Variants in GALNT13 observed in about 807,000 individuals in gnomAD.
The protein encoded by GALNT13 is polypeptide N-acetylgalactosaminyltransferase 13.
GALNT13 carries 28 observed loss-of-function variants against 64.2 expected under a neutral mutation model. The observed-to-expected ratio is 0.44, with a 90% CI of 0.32 to 0.60. The LOEUF (loss-of-function observed/expected upper bound fraction) is 0.60. GALNT13 is among the 20% of genes least tolerant of loss of function. The pLI, the probability that GALNT13 is intolerant of heterozygous loss-of-function variation, is 0.05. For missense variants in GALNT13, 577 were observed against 669.8 expected (o/e 0.86, Z 1.53); for synonymous variants, 214 against 224.6 (o/e 0.95, Z 0.42).
At chr2:153,665,554 C>T in the GALNT13 span, among the ~76,000 whole-genome samples, 5 of 151,652 alleles carry the variant, frequency 3.3e-5, no homozygotes, top group African/African-American at 1.2e-4. Context: ...ACTTAAATTA[C>T]AAAATATCAA....
chr2:153,792,250 A>T, the GALNT13 span, among the ~76,000 whole-genome samples: 40 of 152,246 alleles, frequency 2.6e-4, no homozygotes, highest in South Asian at 3.1e-3. Flanking sequence ...AAATATTTTT[A>T]AAAAAGATAG....
At chr2:153,246,834 T>C in the GALNT13 span, among the ~76,000 whole-genome samples, 2 of 152,122 alleles carry the variant, frequency 1.3e-5, no homozygotes, top group Admixed American at 6.5e-5. Context: ...AATACCTCAA[T>C]TAAAAGACAC....
chr2:153,140,202 T>C, the GALNT13 span, among the ~76,000 whole-genome samples: 2 of 152,052 alleles, frequency 1.3e-5, no homozygotes, highest in African/African-American at 2.4e-5. Flanking sequence ...CTAATATTTT[T>C]TGAGCACATA....
At chr2:154,089,765 G>A (rs1199742982) in intron 3 of GALNT13, among the ~76,000 whole-genome samples, 1 of 149,206 alleles carries the variant, frequency 6.7e-6, no homozygotes, top group African/African-American at 2.5e-5. Flanking sequence ...TAAAATAAAT[G>A]TTTCTTCCTT....
the GALNT13 span, among the ~76,000 whole-genome samples, chr2:153,303,563 T>C: frequency 5.9e-5 from 9 of 152,198 alleles, no homozygotes; most frequent in African/African-American, 2.2e-4. Context: ...CTATTTTCTC[T>C]GGCTAGGATT....
In GALNT13 at chr2:154,290,102, A is replaced by T. The variant is rs144907241; in HGVS notation, c.976-11307A>T. Reference sequence around the variant, plus strand: ...CTCAATGCATGCACAAGCTACTCCCAGTGAGAGTCTGCATATCTAGATTTA... The same window carrying T: ...CTCAATGCATGCACAAGCTACTCCCTGTGAGAGTCTGCATATCTAGATTTA... On this transcript the variant is annotated intron_variant, in intron 8 of 12. Coordinates refer to ENST00000392825, the MANE Select transcript of GALNT13 (RefSeq NM_052917.4). Among the ~76,000 whole-genome samples, 1,155 of 152,334 alleles carry T rather than the reference A, an allele frequency of 7.6e-3. 34 individuals are homozygous for T. The highest frequency in any genetic ancestry group is 0.042 in the Admixed American group (644 of 15,300).
At chr2:153,686,981 G>A in the GALNT13 span, among the ~76,000 whole-genome samples, 1 of 152,006 alleles carries the variant, frequency 6.6e-6, no homozygotes, top group Non-Finnish European at 1.5e-5. Flanking sequence ...TTGCATCCAG[G>A]GATAAAGCCT....
chr2:153,132,702 A>G, the GALNT13 span, among the ~76,000 whole-genome samples: 2 of 152,146 alleles, frequency 1.3e-5, no homozygotes, highest in African/African-American at 4.8e-5. Flanking sequence ...TTATATTTTA[A>G]TCAGCATGGA....
chr2:153,711,120 T>G, the GALNT13 span, among the ~76,000 whole-genome samples: 1 of 152,120 alleles, frequency 6.6e-6, no homozygotes, highest in Non-Finnish European at 1.5e-5. Context: ...AATTCAGCTC[T>G]CCAAACCATT....
At chr2:153,696,155 C>T in the GALNT13 span, among the ~76,000 whole-genome samples, 1 of 152,190 alleles carries the variant, frequency 6.6e-6, no homozygotes, top group Non-Finnish European at 1.5e-5. Context: ...GACAGTGCAA[C>T]CTTCAGTCTG....
the GALNT13 span, among the ~76,000 whole-genome samples, chr2:153,173,030 C>T: frequency 6.6e-6 from 1 of 151,928 alleles, no homozygotes; most frequent in Non-Finnish European, 1.5e-5. Flanking sequence ...AACTTGTATA[C>T]TAGGCATACT....
chr2:153,474,013 C>T, the GALNT13 span, among the ~76,000 whole-genome samples: 3 of 152,114 alleles, frequency 2.0e-5, no homozygotes, highest in African/African-American at 7.2e-5. Context: ...CATGCGTAAT[C>T]GATCAGGTTA....
chr2:154,008,504 G>T (rs912780198), intron 3 of GALNT13, among the ~76,000 whole-genome samples: 8 of 152,004 alleles, frequency 5.3e-5, no homozygotes, highest in Admixed American at 5.2e-4. Flanking sequence ...GTTATGGAGG[G>T]TTGGTAATAC....
At chr2:153,218,054 T>A in the GALNT13 span, among the ~76,000 whole-genome samples, 1 of 152,188 alleles carries the variant, frequency 6.6e-6, no homozygotes, top group East Asian at 1.9e-4. Context: ...CTTGATAGAA[T>A]CATAGGCTTC....
intron 3 of GALNT13, among the ~76,000 whole-genome samples, chr2:154,026,178 C>T (rs1364532): frequency 0.77 from 116,422 of 152,106 alleles, 44,942 homozygotes; most frequent in East Asian, 0.96. Context: ...AGAGTCCACA[C>T]AGGAAATGAG....
chr2:153,304,425 C>A, the GALNT13 span, among the ~76,000 whole-genome samples: 1 of 152,032 alleles, frequency 6.6e-6, no homozygotes, highest in Non-Finnish European at 1.5e-5. Flanking sequence ...GGTGCTAGGA[C>A]AAATAAGAGA....
intron 2 of GALNT13, among the ~76,000 whole-genome samples, chr2:153,940,537 G>A (rs908798431): frequency 1.3e-5 from 2 of 152,032 alleles, no homozygotes; most frequent in Non-Finnish European, 2.9e-5. Context: ...GATTACAGGT[G>A]TGAGCCACCG....
At chr2:154,435,416 C>G (rs1700915044) in intron 11 of GALNT13, among the ~76,000 whole-genome samples, 1 of 152,114 alleles carries the variant, frequency 6.6e-6, no homozygotes, top group African/African-American at 2.4e-5. Flanking sequence ...CACATACTAA[C>G]TGAGAGTGTC....
At chr2:154,155,039 A>G (rs1374279499) in intron 4 of GALNT13, among the ~76,000 whole-genome samples, 1 of 151,990 alleles carries the variant, frequency 6.6e-6, no homozygotes, top group African/African-American at 2.4e-5. Context: ...AATTTTGCAC[A>G]TAAGAACATT....
Sources: gnomAD v4.1 joint callset for allele counts (sites outside exome capture counted in the v4.1 genomes callset) on GRCh38, gnomAD v4.1.1 for gene constraint, MANE v1.5 for transcripts, NCBI Gene and HGNC (gene_info 2026-07-23, HGNC 2026-07-21) for gene names.